The following GAS6 variants were observed in gnomAD, a reference collection of about 807,000 sequenced individuals.
GAS6 encodes growth arrest specific 6.
Under a neutral mutation model 75.8 loss-of-function variants are expected in GAS6, and 41 were observed. That is an observed-to-expected ratio of 0.54 (90% CI 0.42 to 0.70). GAS6 has a LOEUF of 0.70. Ranked by LOEUF, GAS6 falls within the 30% of genes least tolerant of loss-of-function variation. The probability of loss-of-function intolerance (pLI) is 0.00; values close to 1 mark genes in which losing one functional copy is unlikely to be tolerated. For missense variants in GAS6, 854 were observed against 940.2 expected (o/e 0.91, Z 1.20); for synonymous variants, 432 against 412.6 (o/e 1.05, Z -0.57).
At chr13:113,827,286 A>C in intron 11 of GAS6, 122 bp from the exon 12 acceptor site, 1 of 936,636 alleles carries the variant, frequency 1.1e-6, no homozygotes, top group Non-Finnish European at 1.6e-6. Context: ...GAAACGGGCC[A>C]GTCCCATCGG....
At chr13:113,842,693 C>G in intron 4 of GAS6, 1 of 397,098 alleles carries the variant, frequency 2.5e-6, no homozygotes, top group Non-Finnish European at 4.4e-6. Context: ...CCCAACCCTC[C>G]GGCACCAGAA....
chr13:113,854,954 G>A (rs148528710), intron 2 of GAS6, among the ~76,000 whole-genome samples: 213 of 152,314 alleles, frequency 1.4e-3, no homozygotes, highest in Non-Finnish European at 2.5e-3. Flanking sequence ...GGGTTCCTCC[G>A]TGCCCACCCC....
chr13:113,860,835 T>G (rs2051965407), intron 2 of GAS6, among the ~76,000 whole-genome samples: 1 of 151,628 alleles, frequency 6.6e-6, no homozygotes, highest in Non-Finnish European at 1.5e-5. Flanking sequence ...CACAGGTGTG[T>G]GGGGAGGGCC....
intron 2 of GAS6, among the ~76,000 whole-genome samples, chr13:113,855,951 C>T (rs545251862): frequency 1.7e-4 from 26 of 152,266 alleles, no homozygotes; most frequent in African/African-American, 6.0e-4. Context: ...CTCCAGTGGC[C>T]GGGACACATG....
At chr13:113,827,454 T>C (rs1432560039) in intron 11 of GAS6, among the ~76,000 whole-genome samples, 1 of 152,232 alleles carries the variant, frequency 6.6e-6, no homozygotes, top group Non-Finnish European at 1.5e-5. Flanking sequence ...TATGGATTGT[T>C]CAACCATCCA....
intron 8 of GAS6, chr13:113,833,191 G>A (rs2051651677): frequency 2.7e-6 from 3 of 1,121,398 alleles, no homozygotes; most frequent in Middle Eastern, 4.2e-4. Flanking sequence ...CAAAGCCGGT[G>A]TGAGCTGACA....
At position 113,821,868 on chromosome 13, in the gene GAS6, A is replaced by G. The variant is rs1594185749; in HGVS notation, c.1882+90T>C. On this transcript the variant is annotated intron_variant, in intron 14 of 14. Transcript: ENST00000327773. ...TCCTCTTCCGCATTCACTACCAGAA[A>G]CCCCAGCCTGTCCAGGTTAGATCTG... The G allele has an allele frequency of 9.5e-6, 10 of 1,052,872 alleles. No individual in the cohort carries two copies. In the East Asian group the frequency reaches 2.7e-4, roughly 28 times the overall value. The allele number at this position is 1,052,872 out of a possible 1,614,324, so 65.2% of individuals were successfully genotyped here. A position where few individuals can be genotyped will look rare whatever the true frequency, so the allele number is the denominator to read the frequency against.
intron 12 of GAS6, 123 bp from the exon 13 acceptor site, chr13:113,823,673 TCTGG>T: frequency 2.1e-6 from 2 of 946,786 alleles, no homozygotes; most frequent in South Asian, 3.5e-5. Flanking sequence ...CAGCCCCGGA[TCTGG>T]GACGTGATGG....
At position 113,833,609 on chromosome 13, in the gene GAS6, C is replaced by T. The variant is rs1233341285; in HGVS notation, c.835-857G>A. On this transcript the variant is annotated intron_variant, in intron 8 of 14. Transcript: ENST00000327773. Reference sequence around the variant, plus strand: ...GTGTGACAGGTCGGTGTGACAGGCACCGGTGTGACAGGTCGGTGTGACAGG... The same window carrying T: ...GTGTGACAGGTCGGTGTGACAGGCATCGGTGTGACAGGTCGGTGTGACAGG... The T allele has an allele frequency of 1.1e-4, 100 of 908,614 alleles. No homozygotes were observed. The East Asian group carries it at 9.5e-3, about 86-fold the overall frequency. The allele number at this position is 908,614 out of a possible 1,614,324, so 56.3% of individuals were successfully genotyped here.
intron 6 of GAS6, chr13:113,835,927 G>C (rs59115286): frequency 0.054 from 65,775 of 1,210,276 alleles, 2,334 homozygotes; most frequent in South Asian, 0.15. Context: ...GGTGCACGCT[G>C]TGCTGTTCCA....
rs369813911 is a variant in GAS6 at position 113,832,702 on chromosome 13, C to T, written c.885G>A (p.Leu295=). ...PFSVAKSVKS[L]YLGRMFSGTP... ...TCCCACTGAACATCCGGCCCAGGTA[C>T]AAGGACTTCACACTCTTGGCCACGC... The change falls in exon 9 of 15, where the codon TTG becomes TTA. Residue 295 remains leucine, a synonymous_variant. Transcript: ENST00000327773. The T allele has an allele frequency of 1.9e-5, 31 of 1,612,766 alleles. No individual in the cohort carries two copies. In the African/African-American group the frequency reaches 3.5e-4, roughly 18 times the overall value.
intron 2 of GAS6, among the ~76,000 whole-genome samples, chr13:113,855,689 C>G (rs1041838458): frequency 3.9e-5 from 6 of 152,160 alleles, no homozygotes; most frequent in Non-Finnish European, 5.9e-5. Flanking sequence ...CACTGGGCTC[C>G]CAGCCTGAGC....
At chr13:113,838,224 A>G in intron 5 of GAS6, 33 bp from the exon 6 acceptor site, 5 of 1,609,970 alleles carry the variant, frequency 3.1e-6, no homozygotes, top group Non-Finnish European at 4.2e-6. Flanking sequence ...AGGGGAGCCC[A>G]AGGGTGCACA....
At chr13:113,839,898 T>C in intron 4 of GAS6, 48 bp from the exon 5 acceptor site, 1 of 1,612,056 alleles carries the variant, frequency 6.2e-7, no homozygotes, top group Non-Finnish European at 8.5e-7. Context: ...GCCCCACCCC[T>C]GCGCGCCCAA....
intron 5 of GAS6, among the ~76,000 whole-genome samples, chr13:113,838,783 G>C (rs544935073): frequency 1.2e-4 from 16 of 131,774 alleles, no homozygotes; most frequent in African/African-American, 3.4e-4. Flanking sequence ...GGAAGGGACC[G>C]CGGGTGTGCA....
chr13:113,854,843 G>A lies in GAS6; in HGVS notation c.256-6793C>T, dbSNP rs912972207. ...CTACAAGGAGAGAGGCCCAGGACACGCCACTGTTTGCACGTGGTGGGCAGA... is the reference window on the plus strand; with the variant it reads ...CTACAAGGAGAGAGGCCCAGGACACACCACTGTTTGCACGTGGTGGGCAGA... On this transcript the variant is annotated intron_variant, in intron 2 of 14. Transcript: ENST00000327773. Among the ~76,000 whole-genome samples, 35 of 152,214 alleles carry A rather than the reference G, an allele frequency of 2.3e-4. 1 individual carries two copies. The highest frequency in any genetic ancestry group is 2.9e-5 in the Non-Finnish European group (2 of 68,040).
chr13:113,848,559 G>A lies in GAS6; in HGVS notation c.256-509C>T, dbSNP rs992536589. On this transcript the variant is annotated intron_variant, in intron 2 of 14. Coordinates refer to ENST00000327773, the MANE Select transcript of GAS6 (RefSeq NM_000820.4). This position sits in a 1 kb window ranked among gnomAD's most constrained non-coding sequence, Gnocchi z 4.8. Reference sequence around the variant, plus strand: ...CCACATTCGACACAAGTGAGCTGTCGAGTCCTGGAACCACCTGCCTGTCAC... The same window carrying A: ...CCACATTCGACACAAGTGAGCTGTCAAGTCCTGGAACCACCTGCCTGTCAC... Among the ~76,000 whole-genome samples, 5 of 152,108 alleles carry A rather than the reference G, an allele frequency of 3.3e-5. No homozygotes were observed. The highest frequency in any genetic ancestry group is 1.3e-4 in the Admixed American group (2 of 15,286).
At position 113,834,585 on chromosome 13, in the gene GAS6, C is replaced by A. The variant is rs1255000739; in HGVS notation, c.800G>T (p.Gly267Val). 6.2e-7 allele frequency: 1 copy of A among 1,604,580 alleles called. No individual in the cohort carries two copies. The highest frequency in any genetic ancestry group is 8.5e-7 in the Non-Finnish European group (1 of 1,176,498). ...GTCCATGTCCTGGGACAGCTTGAGG[C>A]CCCCACGCCCGTCACAGTGGCAGGT... Reference protein sequence around the residue: ...SYTCHCDGRGGLKLSQDMDTC... With the variant: ...SYTCHCDGRGVLKLSQDMDTC... The change falls in exon 8 of 15, where the codon GGC becomes GTC. Residue 267 changes from glycine (G) to valine (V), a missense_variant. By Grantham distance (109) the Gly-to-Val change is moderately radical (BLOSUM62 -3). Coordinates refer to ENST00000327773, the MANE Select transcript of GAS6 (RefSeq NM_000820.4).
intron 11 of GAS6, among the ~76,000 whole-genome samples, chr13:113,827,806 GAC>G (rs2051570582): frequency 6.6e-6 from 1 of 152,236 alleles, no homozygotes; most frequent in South Asian, 2.1e-4. Context: ...GGGGGCTGGA[GAC>G]ACAGGTCGGG....
Sources: allele counts gnomAD v4.1 joint callset (sites outside exome capture counted in the v4.1 genomes callset), GRCh38; gene constraint gnomAD v4.1.1; non-coding constraint Gnocchi (gnomAD v3.1); transcripts MANE v1.5; gene names NCBI Gene and HGNC (gene_info 2026-07-23, HGNC 2026-07-21).